CSMD1: variants seen among roughly 807,000 people sequenced by gnomAD.
CSMD1 encodes CUB and sushi domain-containing protein 1.
A neutral mutation model predicts 417.5 loss-of-function variants in CSMD1; 213 were observed. That is an observed-to-expected ratio of 0.51 (90% CI 0.46 to 0.57). The LOEUF (loss-of-function observed/expected upper bound fraction) is 0.57, where lower values mean the gene tolerates loss of function less well. CSMD1 is among the 20% of genes least tolerant of loss of function. The pLI is 0.00. For synonymous variants in CSMD1, 2,862 were observed against 1,736.8 expected, an observed-to-expected ratio of 1.65 and a Z score of -16.11; for missense variants, 6,923 against 4,529.7, an observed-to-expected ratio of 1.53 and a Z score of -15.17.
chr8:4,246,316 C>T (rs865904543), intron 3 of CSMD1, among the ~76,000 whole-genome samples: 2 of 152,048 alleles, frequency 1.3e-5, no homozygotes, highest in African/African-American at 4.8e-5. Context: ...GCATATTGGC[C>T]TCCACCTCCA....
At chr8:4,473,676 G>A (rs929228124) in intron 2 of CSMD1, among the ~76,000 whole-genome samples, 1 of 152,126 alleles carries the variant, frequency 6.6e-6, no homozygotes, top group Non-Finnish European at 1.5e-5. Context: ...TATGACTCTA[G>A]GTAACTGTCA....
At chr8:3,635,204 A>G (rs1163095607) in intron 7 of CSMD1, among the ~76,000 whole-genome samples, 1 of 152,236 alleles carries the variant, frequency 6.6e-6, no homozygotes, top group South Asian at 2.1e-4. Flanking sequence ...AGCCAGGTGC[A>G]GTGGCTCACG....
At chr8:3,411,425 GTCT>G (rs1563360457) in intron 12 of CSMD1, among the ~76,000 whole-genome samples, 2 of 151,624 alleles carry the variant, frequency 1.3e-5, no homozygotes, top group African/African-American at 4.8e-5. Context: ...TCATTTTGTA[GTCT>G]TCTATTCCTC....
chr8:4,264,668 G>C (rs571498432), intron 3 of CSMD1, among the ~76,000 whole-genome samples: 1 of 152,258 alleles, frequency 6.6e-6, no homozygotes, highest in South Asian at 2.1e-4. Context: ...ATTCACCGAG[G>C]TGGTCATCCC....
intron 3 of CSMD1, among the ~76,000 whole-genome samples, chr8:4,133,289 T>G (rs1276124677): frequency 6.6e-6 from 1 of 152,188 alleles, no homozygotes; most frequent in African/African-American, 2.4e-5. Context: ...CTGATTTGCT[T>G]AAAAGTCTAA....
intron 1 of CSMD1, among the ~76,000 whole-genome samples, chr8:4,714,411 A>T (rs1347232880): frequency 6.6e-6 from 1 of 152,210 alleles, no homozygotes; most frequent in Non-Finnish European, 1.5e-5. Context: ...TGAAAGACAA[A>T]AATAAAATCT....
rs375370762 is a variant in CSMD1 at position 3,399,374 on chromosome 8, A to T, written c.2405+17T>A. ...CACACACCATTGGGTCCAAATGAAG[A>T]CTAATTTTTTTCTTACCTGTCAAAA... On this transcript the variant is annotated intron_variant, in intron 16 of 69. Coordinates refer to ENST00000635120, the MANE Select transcript of CSMD1 (RefSeq NM_033225.6). 2.4e-4 allele frequency: 375 copies of T among 1,588,476 alleles called. No homozygotes were observed. Among genetic ancestry groups the T allele is most frequent in the Non-Finnish European group, 3.1e-4 (362 of 1,168,010 alleles).
chr8:4,858,451 A>G (rs1392782484), intron 1 of CSMD1, among the ~76,000 whole-genome samples: 1 of 150,662 alleles, frequency 6.6e-6, no homozygotes, highest in Non-Finnish European at 1.5e-5. Flanking sequence ...AGGGTATTCA[A>G]TTAGGAAAAG....
At chr8:4,151,637 G>A (rs1012404915) in intron 3 of CSMD1, among the ~76,000 whole-genome samples, 1 of 152,034 alleles carries the variant, frequency 6.6e-6, no homozygotes, top group Non-Finnish European at 1.5e-5. Flanking sequence ...TTGTTATCAA[G>A]AATCTGTGGC....
chr8:3,600,220 C>G (rs1012822350), intron 8 of CSMD1, among the ~76,000 whole-genome samples: 1 of 152,180 alleles, frequency 6.6e-6, no homozygotes, highest in Non-Finnish European at 1.5e-5. Context: ...CTGTCTTTCT[C>G]CTTTTCTCCT....
intron 2 of CSMD1, among the ~76,000 whole-genome samples, chr8:4,531,303 G>T (rs961348406): frequency 6.6e-6 from 1 of 152,152 alleles, no homozygotes; most frequent in African/African-American, 2.4e-5. Context: ...AACCCGATGT[G>T]CCGTGGAATG....
intron 7 of CSMD1, among the ~76,000 whole-genome samples, chr8:3,680,290 C>T (rs2117601048): frequency 6.6e-6 from 1 of 152,076 alleles, no homozygotes; most frequent in East Asian, 1.9e-4. Flanking sequence ...AGACCACTAG[C>T]AAGACTAATA....
chr8:3,155,779 T>C (rs922680674), intron 39 of CSMD1, among the ~76,000 whole-genome samples: 3 of 152,200 alleles, frequency 2.0e-5, no homozygotes, highest in African/African-American at 7.2e-5. Context: ...TACTGTCCTC[T>C]AAGGTATATT....
At chr8:4,651,908 C>T (rs1274498729) in intron 1 of CSMD1, among the ~76,000 whole-genome samples, 1 of 152,186 alleles carries the variant, frequency 6.6e-6, no homozygotes, top group African/African-American at 2.4e-5. Flanking sequence ...GATTATCTTT[C>T]ATGTGCTAGT....
At chr8:3,555,825 C>T (rs114488948) in intron 10 of CSMD1, among the ~76,000 whole-genome samples, 4,985 of 152,156 alleles carry the variant, frequency 0.033, 94 homozygotes, top group Non-Finnish European at 0.041. Context: ...ACAAAATCTT[C>T]GGTGCCAAAA....
chr8:4,756,394 G>A (rs1341812415), intron 1 of CSMD1, among the ~76,000 whole-genome samples: 2 of 152,044 alleles, frequency 1.3e-5, no homozygotes, highest in South Asian at 4.1e-4. Context: ...TTTCTGACCC[G>A]ACCAAGTTGA....
chr8:4,233,185 T>G (rs976743134), intron 3 of CSMD1, among the ~76,000 whole-genome samples: 1 of 152,250 alleles, frequency 6.6e-6, no homozygotes, highest in Non-Finnish European at 1.5e-5. Flanking sequence ...AACATTCATA[T>G]TGAAAACATA....
intron 7 of CSMD1, among the ~76,000 whole-genome samples, chr8:3,705,928 G>C (rs1801141342): frequency 6.6e-6 from 1 of 152,198 alleles, no homozygotes; most frequent in Admixed American, 6.5e-5. Context: ...GTCAGCAATA[G>C]GCATGTGGGC....
At chr8:3,736,563 A>C (rs1321619754) in intron 6 of CSMD1, among the ~76,000 whole-genome samples, 1 of 152,120 alleles carries the variant, frequency 6.6e-6, no homozygotes, top group East Asian at 1.9e-4. Context: ...CAGTGTGTCT[A>C]CCACCTGCCT....
Sources: allele counts gnomAD v4.1 joint callset (sites outside exome capture counted in the v4.1 genomes callset), GRCh38; gene constraint gnomAD v4.1.1; transcripts MANE v1.5; gene names NCBI Gene and HGNC (gene_info 2026-07-23, HGNC 2026-07-21).